Variants in GRHL2 observed in about 807,000 individuals in gnomAD.
The protein encoded by GRHL2 is grainyhead-like protein 2 homolog.
GRHL2 carries 21 observed loss-of-function variants against 83.8 expected under a neutral mutation model. That is an observed-to-expected ratio of 0.25 (90% CI 0.18 to 0.36). The LOEUF is 0.36. Among genes scored for constraint, GRHL2 ranks in the 10% least tolerant of loss-of-function variants. The pLI is 1.00. For missense variants in GRHL2, 623 were observed against 781.8 expected (o/e 0.80, Z 2.42); for synonymous variants, 280 against 278.9 (o/e 1.00, Z -0.04).
intron 8 of GRHL2, among the ~76,000 whole-genome samples, chr8:101,618,352 T>A (rs1161120120): frequency 6.6e-6 from 1 of 152,228 alleles, no homozygotes; most frequent in Non-Finnish European, 1.5e-5. Context: ...TTTCCATTTT[T>A]TTGAATTCAT....
At chr8:101,512,710 TTC>T (rs1326313960) in intron 1 of GRHL2, among the ~76,000 whole-genome samples, 1 of 152,210 alleles carries the variant, frequency 6.6e-6, no homozygotes, top group Non-Finnish European at 1.5e-5. Flanking sequence ...TCTTAAATCT[TTC>T]TCTTTTATTA....
chr8:101,665,290 G>A (rs1427522084), intron 15 of GRHL2, among the ~76,000 whole-genome samples: 1 of 152,162 alleles, frequency 6.6e-6, no homozygotes, highest in Non-Finnish European at 1.5e-5. Context: ...GGGGCCACAG[G>A]AGCTAGTGGA....
At chr8:101,541,147 GGTGTGTGTGTGTGTGTGTGTGTGTGTGT>G (rs56763374) in intron 1 of GRHL2, among the ~76,000 whole-genome samples, 2 of 144,358 alleles carry the variant, frequency 1.4e-5, no homozygotes, top group Admixed American at 6.9e-5. Context: ...ACTATTTCAT[GGTGTGTGTGTGTGTGTGTGTGTGTGTGT>G]GTGTGTGTGT....
At chr8:101,655,065 C>T (rs1813755713) in intron 14 of GRHL2, among the ~76,000 whole-genome samples, 1 of 152,026 alleles carries the variant, frequency 6.6e-6, no homozygotes, top group Admixed American at 6.5e-5. Context: ...GCCTGTAATG[C>T]CAGCTACTCG....
chr8:101,509,575 T>A (rs77115705), intron 1 of GRHL2, among the ~76,000 whole-genome samples: 2,218 of 152,242 alleles, frequency 0.015, 31 homozygotes, highest in Non-Finnish European at 0.022. Context: ...AGGAGCTCAT[T>A]ATCTGGTTTG....
intron 8 of GRHL2, among the ~76,000 whole-genome samples, chr8:101,599,762 CCACCATTG>C (rs541153169): frequency 1.7e-3 from 252 of 152,318 alleles, no homozygotes; most frequent in Non-Finnish European, 3.0e-3. Context: ...GAAGAGACGT[CCACCATTG>C]CAACGGTTTG....
chr8:101,619,428 A>G (rs1414419132), intron 8 of GRHL2, 111 bp from the exon 9 acceptor site: 15 of 830,008 alleles, frequency 1.8e-5, no homozygotes, highest in Non-Finnish European at 2.9e-5. Flanking sequence ...AATATTCTTC[A>G]GTTGTCTTTA....
intron 6 of GRHL2, among the ~76,000 whole-genome samples, chr8:101,575,574 G>C (rs1246413365): frequency 6.6e-6 from 1 of 152,132 alleles, no homozygotes; most frequent in Non-Finnish European, 1.5e-5. Context: ...TTATTTCTGA[G>C]AACAGTGTTT....
intron 1 of GRHL2, among the ~76,000 whole-genome samples, chr8:101,505,577 CAAA>C (rs11395323): frequency 1.2e-4 from 12 of 101,066 alleles, no homozygotes; most frequent in South Asian, 1.1e-3. Context: ...AACTCTGTCT[CAAA>C]AAAAAAAAAA....
At chr8:101,664,552 A>G (rs754780125) in intron 15 of GRHL2, 34 bp downstream of exon 15, 1 of 1,439,330 alleles carries the variant, frequency 6.9e-7, no homozygotes, top group Non-Finnish European at 9.8e-7. Context: ...TTGACTTTCA[A>G]ATCAGATAAA....
the GRHL2 span, among the ~76,000 whole-genome samples, chr8:101,675,424 C>G: frequency 4.6e-5 from 7 of 152,074 alleles, no homozygotes; most frequent in Admixed American, 1.3e-4. Context: ...AACAGACAAA[C>G]ACAGAGCCAA....
At chr8:101,560,314 C>T (rs2130183876) in intron 4 of GRHL2, among the ~76,000 whole-genome samples, 1 of 152,322 alleles carries the variant, frequency 6.6e-6, no homozygotes, top group East Asian at 1.9e-4. Context: ...TGGTGTGAGC[C>T]ACTACGCCCA....
chr8:101,654,664 C>T (rs1203452546), intron 14 of GRHL2, among the ~76,000 whole-genome samples: 1 of 152,186 alleles, frequency 6.6e-6, no homozygotes, highest in African/African-American at 2.4e-5. Flanking sequence ...GCCACCCTTC[C>T]TTCCGAGCAA....
chr8:101,495,137 C>T (rs1810069345), intron 1 of GRHL2, among the ~76,000 whole-genome samples: 1 of 152,170 alleles, frequency 6.6e-6, no homozygotes, highest in Admixed American at 6.5e-5. Context: ...TGTAAGTAAA[C>T]GGGCCCCTGG....
chr8:101,582,723 G>A (rs947486690), intron 7 of GRHL2, among the ~76,000 whole-genome samples: 3 of 152,190 alleles, frequency 2.0e-5, no homozygotes, highest in South Asian at 4.1e-4. Flanking sequence ...CCACCTCAGC[G>A]TCTTTGCAGA....
intron 8 of GRHL2, among the ~76,000 whole-genome samples, chr8:101,606,200 A>G (rs1330294595): frequency 6.6e-6 from 1 of 152,242 alleles, no homozygotes; most frequent in Non-Finnish European, 1.5e-5. Context: ...GGAAGTGACT[A>G]CTTACACATA....
At chr8:101,660,853 T>C (rs555720533) in intron 14 of GRHL2, among the ~76,000 whole-genome samples, 7 of 152,334 alleles carry the variant, frequency 4.6e-5, no homozygotes, top group Admixed American at 1.3e-4. Context: ...CTCCTCTCAC[T>C]AAAATTAGCC....
At chr8:101,580,700 T>TTTTA (rs1249907041) in intron 7 of GRHL2, among the ~76,000 whole-genome samples, 1 of 152,018 alleles carries the variant, frequency 6.6e-6, no homozygotes, top group Non-Finnish European at 1.5e-5. Context: ...ATTTATTTTA[T>TTTTA]TTTATTTATT....
intron 8 of GRHL2, among the ~76,000 whole-genome samples, chr8:101,607,004 G>A (rs1812645418): frequency 6.6e-6 from 1 of 152,184 alleles, no homozygotes; most frequent in South Asian, 2.1e-4. Flanking sequence ...GTCTCTTTGG[G>A]TGAAAAATGT....
Sources: allele counts gnomAD v4.1 joint callset (sites outside exome capture counted in the v4.1 genomes callset), GRCh38; gene constraint gnomAD v4.1.1; transcripts MANE v1.5; gene names NCBI Gene and HGNC (gene_info 2026-07-23, HGNC 2026-07-21).